Variants in DLGAP4 observed in about 807,000 individuals in gnomAD.
DLGAP4 encodes the protein disks large-associated protein 4.
Under a neutral mutation model 86.9 loss-of-function variants are expected in DLGAP4, and 18 were observed. That is an observed-to-expected ratio of 0.21 (90% CI 0.14 to 0.31). The LOEUF (loss-of-function observed/expected upper bound fraction) is 0.31, where lower values mean the gene tolerates loss of function less well. DLGAP4 is among the 10% of genes least tolerant of loss of function. The pLI is 1.00. For missense variants in DLGAP4, 1,085 were observed against 1,362.6 expected (o/e 0.80, Z 3.21); for synonymous variants, 548 against 574.3 (o/e 0.95, Z 0.65).
At chr20:36,372,307 A>G (rs1252436670) in intron 2 of DLGAP4, among the ~76,000 whole-genome samples, 1 of 151,988 alleles carries the variant, frequency 6.6e-6, no homozygotes, top group Non-Finnish European at 1.5e-5. Context: ...TCCCTCCGTC[A>G]CTGGGAGTCA....
chr20:36,403,690 A>G (rs1291230915), intron 2 of DLGAP4, among the ~76,000 whole-genome samples: 1 of 152,240 alleles, frequency 6.6e-6, no homozygotes, highest in African/African-American at 2.4e-5. Flanking sequence ...GCAGCCTAAA[A>G]CAACACTAAA....
At chr20:36,346,818 A>C (rs920847803) in intron 1 of DLGAP4, among the ~76,000 whole-genome samples, 7 of 151,964 alleles carry the variant, frequency 4.6e-5, no homozygotes, top group Non-Finnish European at 1.0e-4. Context: ...CTGACCTTTC[A>C]ATCTGTTTCT....
chr20:36,326,882 G>C (rs1361772793), intron 1 of DLGAP4, among the ~76,000 whole-genome samples: 1 of 149,946 alleles, frequency 6.7e-6, no homozygotes, highest in African/African-American at 2.5e-5. Context: ...TTTTAAAGTT[G>C]TTCCACTGTC....
intron 1 of DLGAP4, among the ~76,000 whole-genome samples, chr20:36,313,896 G>A (rs935039799): frequency 1.3e-5 from 2 of 152,262 alleles, no homozygotes; most frequent in South Asian, 2.1e-4. Flanking sequence ...TTACCCCATC[G>A]GAACAGCAAG....
intron 1 of DLGAP4, among the ~76,000 whole-genome samples, chr20:36,313,104 C>T (rs2065067343): frequency 1.3e-5 from 2 of 152,140 alleles, no homozygotes; most frequent in African/African-American, 4.8e-5. Context: ...CACCCCTGAC[C>T]TGCCGCCTGG....
At chr20:36,516,483 T>TG (rs2037042903) in intron 10 of DLGAP4, among the ~76,000 whole-genome samples, 1 of 151,808 alleles carries the variant, frequency 6.6e-6, no homozygotes. Flanking sequence ...CTGGGCAACA[T>TG]GGTGAAACTC....
At chr20:36,443,687 T>G (rs1293642413) in intron 6 of DLGAP4, among the ~76,000 whole-genome samples, 2 of 151,982 alleles carry the variant, frequency 1.3e-5, no homozygotes, top group African/African-American at 4.8e-5. Flanking sequence ...CCCAGGACAG[T>G]GCCCCCTACA....
At chr20:36,380,782 G>T (rs909585941) in intron 2 of DLGAP4, among the ~76,000 whole-genome samples, 1 of 152,204 alleles carries the variant, frequency 6.6e-6, no homozygotes, top group Non-Finnish European at 1.5e-5. Flanking sequence ...CAAAATGGCT[G>T]CTCCTCTGCC....
At chr20:36,488,953 A>G (rs2035540519) in intron 7 of DLGAP4, among the ~76,000 whole-genome samples, 1 of 152,232 alleles carries the variant, frequency 6.6e-6, no homozygotes, top group Non-Finnish European at 1.5e-5. Context: ...GCATGGATGA[A>G]GCGTACCTAA....
At chr20:36,355,731 T>TATTTCCAGTTTGGGGC in intron 1 of DLGAP4, among the ~76,000 whole-genome samples, 1 of 152,234 alleles carries the variant, frequency 6.6e-6, no homozygotes, top group Non-Finnish European at 1.5e-5. Flanking sequence ...GCATTTGAAT[T>TATTTCCAGTTTGGGGC]ATTTCCAGTT....
At chr20:36,477,730 A>G (rs1463473260) in intron 7 of DLGAP4, among the ~76,000 whole-genome samples, 1 of 152,264 alleles carries the variant, frequency 6.6e-6, no homozygotes, top group Non-Finnish European at 1.5e-5. Context: ...ACTCAGAGTC[A>G]GTGAGACAGA....
intron 10 of DLGAP4, among the ~76,000 whole-genome samples, chr20:36,518,538 C>T (rs1857778725): frequency 6.6e-6 from 1 of 152,128 alleles, no homozygotes; most frequent in African/African-American, 2.4e-5. Flanking sequence ...TTAACTACTA[C>T]TTTAGCTGTA....
intron 1 of DLGAP4, among the ~76,000 whole-genome samples, chr20:36,331,768 T>C (rs751987966): frequency 1.2e-4 from 19 of 152,300 alleles, no homozygotes; most frequent in Non-Finnish European, 2.4e-4. Flanking sequence ...CTAGTATAAA[T>C]GCTGTGATGG....
chr20:36,342,848 T>C (rs564573452), intron 1 of DLGAP4, among the ~76,000 whole-genome samples: 47 of 152,264 alleles, frequency 3.1e-4, no homozygotes, highest in African/African-American at 1.1e-3. Flanking sequence ...AGGGAAGGCC[T>C]CTCAGCAGAG....
In DLGAP4 at chr20:36,436,312, C is replaced by G. The variant is rs748860230; in HGVS notation, c.1203C>G (p.Ala401=). ...CGCGGCGCCAGAGCTATCTGAGGGCCACGCAGCAGTCGCTGGGAGAGCAGA... is the reference window on the plus strand; with the variant it reads ...CGCGGCGCCAGAGCTATCTGAGGGCGACGCAGCAGTCGCTGGGAGAGCAGA... The part of the protein sequence containing the change: ...TAARRQSYLR[A]TQQSLGEQSN... Residue 401 remains alanine (A), a synonymous_variant, in exon 4 of 13, where the codon GCC becomes GCG. Coordinates refer to ENST00000339266, the MANE Select transcript of DLGAP4 (RefSeq NM_001365621.2). 5 of 1,603,372 alleles carry G rather than the reference C, an allele frequency of 3.1e-6. No individual in the cohort carries two copies. In the Admixed American group the frequency reaches 8.4e-5, roughly 27 times the overall value.
intron 2 of DLGAP4, among the ~76,000 whole-genome samples, chr20:36,388,830 T>C (rs1420820844): frequency 6.6e-6 from 1 of 152,226 alleles, no homozygotes. Flanking sequence ...ATGATGCTCC[T>C]GGTCACTGTT....
At chr20:36,485,497 A>C (rs1306625765) in intron 7 of DLGAP4, among the ~76,000 whole-genome samples, 1 of 152,160 alleles carries the variant, frequency 6.6e-6, no homozygotes, top group East Asian at 1.9e-4. Context: ...CCCTGTGCAC[A>C]TTTGAACTGT....
intron 10 of DLGAP4, chr20:36,508,419 G>GTTTTTTTTTTTTTTTTTTTTTTTTTTTT (rs1569523131): frequency 7.4e-6 from 1 of 134,604 alleles, no homozygotes; most frequent in African/African-American, 3.0e-5. Context: ...ATGTTTCAGG[G>GTTTTTTTTTTTTTTTTTTTTTTTTTTTT]TTCTTTTTTT....
At position 36,358,203 on chromosome 20, in the gene DLGAP4, G is replaced by A. The variant is rs1015254128; in HGVS notation, c.-303-8842G>A. ...CCGACCTCCCCCATGGGGCCACAGT[G>A]AGGCACGCATGAGACAGTGGATATG... On this transcript the variant is annotated intron_variant, in intron 1 of 12. Coordinates refer to ENST00000339266, the MANE Select transcript of DLGAP4 (RefSeq NM_001365621.2). Among the ~76,000 whole-genome samples, 3 of 152,252 alleles carry A rather than the reference G, an allele frequency of 2.0e-5. No homozygotes were observed. The South Asian group carries it at 6.2e-4, about 31-fold the overall frequency.
Sources: gnomAD v4.1 joint callset for allele counts (sites outside exome capture counted in the v4.1 genomes callset) on GRCh38, gnomAD v4.1.1 for gene constraint, MANE v1.5 for transcripts, NCBI Gene and HGNC (gene_info 2026-07-23, HGNC 2026-07-21) for gene names.